POLH: variants seen among roughly 807,000 people sequenced by gnomAD.
POLH encodes the protein DNA polymerase eta.
A neutral mutation model predicts 73.6 loss-of-function variants in POLH; 53 were observed. The observed-to-expected ratio is 0.72, with a 90% CI of 0.58 to 0.91. POLH has a LOEUF of 0.91. POLH is among the 40% of genes least tolerant of loss of function. POLH has a pLI of 0.00. For missense variants in POLH, 768 were observed against 865.4 expected (o/e 0.89, Z 1.41); for synonymous variants, 292 against 308.5 (o/e 0.95, Z 0.56).
chr6:43,586,526 A>G (rs1477810500), intron 3 of POLH, among the ~76,000 whole-genome samples: 1 of 152,200 alleles, frequency 6.6e-6, no homozygotes, highest in Admixed American at 6.5e-5. Context: ...TGTCGTAGAA[A>G]ACTAGGTATA....
At chr6:43,610,477 C>T in intron 9 of POLH, 77 bp from the exon 10 acceptor site, 1 of 1,209,702 alleles carries the variant, frequency 8.3e-7, no homozygotes, top group South Asian at 1.2e-5. Context: ...TTTTAATTTC[C>T]TCTCCTGCAG....
intron 7 of POLH, 138 bp from the exon 8 acceptor site, chr6:43,604,477 T>C: frequency 1.2e-6 from 1 of 852,994 alleles, no homozygotes; most frequent in Non-Finnish European, 1.9e-6. Flanking sequence ...TCGTCAGAGG[T>C]CCGGTACACT....
At chr6:43,600,656 TCTTG>T (rs1205298639) in intron 5 of POLH, among the ~76,000 whole-genome samples, 2 of 152,156 alleles carry the variant, frequency 1.3e-5, no homozygotes. Context: ...GAGAAATGCA[TCTTG>T]CTTGAGTTTC....
At chr6:43,592,266 A>G (rs1269725518) in intron 4 of POLH, among the ~76,000 whole-genome samples, 2 of 152,192 alleles carry the variant, frequency 1.3e-5, no homozygotes, top group Admixed American at 6.5e-5. Flanking sequence ...TCATGGATAC[A>G]ATATATTTCA....
intron 9 of POLH, 82 bp from the exon 10 acceptor site, chr6:43,610,467 TTTTAA>T (rs2127815966): frequency 8.9e-7 from 1 of 1,120,104 alleles, no homozygotes; most frequent in African/African-American, 1.5e-5. Context: ...ACCCTGGTTC[TTTTAA>T]TTTCCTCTCC....
Position 43,619,284 on chromosome 6 carries a change from G to C in POLH, c.*4727G>C, listed in dbSNP as rs1323344566. ...GAGGCTGAGGTTGGGAGGATCACCT[G>C]AATCTGGGAGTTTGGGGCTGCAATA... On this transcript the variant is annotated 3_prime_UTR_variant, in exon 11 of 11. Transcript: ENST00000372236. Among the ~76,000 whole-genome samples, 1 of 138,148 alleles carries C rather than the reference G, an allele frequency of 7.2e-6. No homozygotes were observed. Among genetic ancestry groups the C allele is most frequent in the Non-Finnish European group, 1.5e-5 (1 of 65,776 alleles). 90.6% of individuals were successfully genotyped at this position (138,148 alleles called of 152,430 possible).
chr6:43,595,839 ATTT>A (rs1010143363), intron 4 of POLH, among the ~76,000 whole-genome samples: 91 of 150,656 alleles, frequency 6.0e-4, no homozygotes, highest in African/African-American at 1.9e-3. Context: ...GCTTGCATGT[ATTT>A]TTCTTTTTTT....
chr6:43,612,072 CAAAT>C (rs914385955), intron 10 of POLH, among the ~76,000 whole-genome samples: 130 of 151,900 alleles, frequency 8.6e-4, no homozygotes, highest in African/African-American at 2.7e-3. Flanking sequence ...ACAACAACAA[CAAAT>C]AAATAAATAA....
In POLH at chr6:43,582,998, T is replaced by C; in HGVS notation, c.138-9T>C. The C allele has an allele frequency of 6.2e-7, 1 of 1,611,774 alleles. No homozygotes were observed. ...TATGTTTTCTGTTTCCTTTTTTTTC[T>C]AACCTTAGAATAATTGCAGTGAGTT... On this transcript the variant is annotated splice_polypyrimidine_tract_variant and intron_variant, in intron 2 of 10. Coordinates refer to ENST00000372236, the MANE Select transcript of POLH (RefSeq NM_006502.3).
At chr6:43,595,237 T>A in intron 4 of POLH, among the ~76,000 whole-genome samples, 1 of 151,888 alleles carries the variant, frequency 6.6e-6, no homozygotes, top group Non-Finnish European at 1.5e-5. Context: ...TTCAAGTGAT[T>A]CTCCTGTCTC....
rs571902162 is a variant in POLH at position 43,620,290 on chromosome 6, G to A, written c.*5733G>A. 8 of 517,254 alleles carry A rather than the reference G, an allele frequency of 1.5e-5. No individual in the cohort carries two copies. The highest frequency in any genetic ancestry group is 1.3e-4 in the African/African-American group (7 of 51,946). The allele number at this position is 517,254 out of a possible 1,614,324, so 32.0% of individuals were successfully genotyped here. On this transcript the variant is annotated 3_prime_UTR_variant, in exon 11 of 11. Coordinates refer to ENST00000372236, the MANE Select transcript of POLH (RefSeq NM_006502.3). The stretch of plus-strand genomic sequence containing the variant: ...CAGTATTCTGCTCACTTGAACTACG[G>A]AAAATAGGCCACAATACTTGGTTAC...
chr6:43,587,250 G>T, intron 3 of POLH, 22 bp from the exon 4 acceptor site: 1 of 1,589,736 alleles, frequency 6.3e-7, no homozygotes, highest in South Asian at 1.1e-5. Context: ...TTGCCTGCAT[G>T]AATGATCCTT....
At chr6:43,599,306 G>A (rs773567856) in intron 5 of POLH, among the ~76,000 whole-genome samples, 1 of 152,014 alleles carries the variant, frequency 6.6e-6, no homozygotes, top group Admixed American at 6.6e-5. Context: ...GAATATTTTT[G>A]TATTATCTTG....
intron 1 of POLH, among the ~76,000 whole-genome samples, chr6:43,580,755 G>A (rs1007840138): frequency 2.3e-5 from 3 of 132,062 alleles, no homozygotes; most frequent in Non-Finnish European, 3.3e-5. Context: ...GCGGCTGGCC[G>A]GGCGGGGGGC....
Position 43,615,938 on chromosome 6 carries a change from CTGGG to C in POLH, c.*1382_*1385del, listed in dbSNP as rs1768295830. Reference sequence around the variant, plus strand: ...CGCCTGCCTCGACCTCCCAAAGTTGCTGGGATTACAGATGTTAGCCACCGATCCT... The same window carrying C: ...CGCCTGCCTCGACCTCCCAAAGTTGCATTACAGATGTTAGCCACCGATCCT... On this transcript the variant is annotated 3_prime_UTR_variant, in exon 11 of 11. Coordinates refer to ENST00000372236, the MANE Select transcript of POLH (RefSeq NM_006502.3). Among the ~76,000 whole-genome samples, 1 of 151,972 alleles carries C rather than the reference CTGGG, an allele frequency of 6.6e-6. No homozygotes were observed. The highest frequency in any genetic ancestry group is 1.5e-5 in the Non-Finnish European group (1 of 67,970).
At chr6:43,602,384 G>A (rs115860056) in intron 6 of POLH, among the ~76,000 whole-genome samples, 1,921 of 152,310 alleles carry the variant, frequency 0.013, 42 homozygotes, top group African/African-American at 0.044. Context: ...GAATTGTGCA[G>A]TAGAACAAAC....
In POLH at chr6:43,616,461, C is replaced by T. The variant is rs771681107; in HGVS notation, c.*1904C>T. On this transcript the variant is annotated 3_prime_UTR_variant, in exon 11 of 11. Coordinates refer to ENST00000372236, the MANE Select transcript of POLH (RefSeq NM_006502.3). ...AAAATTAGCTGGGCTTGGTGGCAGG[C>T]GCCTGTAATCCCAGGTACTCGGGAG... is the stretch of plus-strand genomic sequence containing the variant. 7.6e-4 allele frequency among the ~76,000 whole-genome samples: 115 copies of T among 151,432 alleles called. No individual in the cohort carries two copies. The highest frequency in any genetic ancestry group is 2.5e-3 in the African/African-American group (105 of 41,286).
At position 43,616,083 on chromosome 6, in the gene POLH, T is replaced by C. The variant is rs1425276401; in HGVS notation, c.*1526T>C. Among the ~76,000 whole-genome samples the C allele has an allele frequency of 6.6e-6, 1 of 151,754 alleles. No homozygotes were observed. Among genetic ancestry groups the C allele is most frequent in the Non-Finnish European group, 1.5e-5 (1 of 67,892 alleles). ...GCGGGCGGATCACAAGGTCAGGAGATCGAGACCACGGTGAAACCCCGTCTC... is the reference window on the plus strand; with the variant it reads ...GCGGGCGGATCACAAGGTCAGGAGACCGAGACCACGGTGAAACCCCGTCTC... On this transcript the variant is annotated 3_prime_UTR_variant, in exon 11 of 11. Coordinates refer to ENST00000372236, the MANE Select transcript of POLH (RefSeq NM_006502.3).
chr6:43,597,174 G>A (rs535190235), intron 4 of POLH, among the ~76,000 whole-genome samples: 1 of 152,078 alleles, frequency 6.6e-6, no homozygotes, highest in African/African-American at 2.4e-5. Context: ...GGAGTGCAGT[G>A]GCGCAATCTC....
Sources: allele counts gnomAD v4.1 joint callset (sites outside exome capture counted in the v4.1 genomes callset), GRCh38; gene constraint gnomAD v4.1.1; transcripts MANE v1.5; gene names NCBI Gene and HGNC (gene_info 2026-07-23, HGNC 2026-07-21).